The following CAV1 variants were observed in gnomAD, a reference collection of about 807,000 sequenced individuals.
CAV1 encodes caveolin-1.
Under a neutral mutation model 16.5 loss-of-function variants are expected in CAV1, and 10 were observed. The ratio of observed to expected loss-of-function variants is 0.61; its 90% CI spans 0.37 to 1.03. CAV1 has a LOEUF of 1.03. Ranked by LOEUF, CAV1 falls within the 50% of genes least tolerant of loss-of-function variation. The pLI is 0.01. For synonymous variants in CAV1, 76 were observed against 85.1 expected (o/e 0.89, Z 0.59); for missense variants, 212 against 232.8 (o/e 0.91, Z 0.58).
rs199578058 is a variant in CAV1 at position 116,525,105 on chromosome 7, G to A, written c.30+13G>A. 101 of 1,608,730 alleles carry A rather than the reference G, an allele frequency of 6.3e-5. No homozygotes were observed. The highest frequency in any genetic ancestry group is 7.7e-5 in the South Asian group (7 of 91,068). ...CGTAGACTCGGAGGTAGGCATCCGT[G>A]GGGGGGCGCCGGCTCGGGCGTGCGG... On this transcript the variant is annotated intron_variant, in intron 1 of 2. Transcript: ENST00000341049.
intron 2 of CAV1, among the ~76,000 whole-genome samples, chr7:116,547,015 G>T (rs1446740612): frequency 3.3e-5 from 5 of 152,154 alleles, no homozygotes; most frequent in Non-Finnish European, 5.9e-5. Flanking sequence ...TCTGTGGATT[G>T]CAGCTACATA....
Position 116,532,978 on chromosome 7 carries a change from T to G in CAV1, c.195+6289T>G, listed in dbSNP as rs970813145. Among the ~76,000 whole-genome samples, 3 of 152,184 alleles carry G rather than the reference T, an allele frequency of 2.0e-5. No homozygotes were observed. In the East Asian group the frequency reaches 5.8e-4, roughly 29 times the overall value. Reference sequence around the variant, plus strand: ...AAATATTAGGCCCATAGGTTTATCTTCCTCAGTAGTCCACGAGATTTGAGC... The same window carrying G: ...AAATATTAGGCCCATAGGTTTATCTGCCTCAGTAGTCCACGAGATTTGAGC... On this transcript the variant is annotated intron_variant, in intron 2 of 2. Coordinates refer to ENST00000341049, the MANE Select transcript of CAV1 (RefSeq NM_001753.5).
At chr7:116,525,212 T>A (rs745673250) in intron 1 of CAV1, 120 bp downstream of exon 1, 1 of 1,613,102 alleles carries the variant, frequency 6.2e-7, no homozygotes, top group Non-Finnish European at 8.5e-7. Context: ...TTCGGAGCAC[T>A]CCTCTGGCGT....
At chr7:116,558,891 T>TTTTTTTCTC (rs1289253965) in intron 2 of CAV1, 55 bp from the exon 3 acceptor site, 17 of 1,364,672 alleles carry the variant, frequency 1.2e-5, no homozygotes, top group Non-Finnish European at 1.7e-5. Flanking sequence ...AATAGTGGGT[T>TTTTTTTCTC]TTTTTTCTCT....
At position 116,527,870 on chromosome 7, in the gene CAV1, GA is replaced by G. The variant is rs371433709; in HGVS notation, c.195+1190del. 4.7e-3 allele frequency among the ~76,000 whole-genome samples: 704 copies of G among 150,784 alleles called. 5 individuals are homozygous for G. Among genetic ancestry groups the G allele is most frequent in the African/African-American group, 0.015 (611 of 41,182 alleles). On this transcript the variant is annotated intron_variant, in intron 2 of 2. Coordinates refer to ENST00000341049, the MANE Select transcript of CAV1 (RefSeq NM_001753.5). ...AACAGTTTAATCTGTAACTGGAAGG[GA>G]AAAAAAAACTGTCAGAATTGACTCC...
At chr7:116,529,411 C>T (rs980945294) in intron 2 of CAV1, among the ~76,000 whole-genome samples, 4 of 152,170 alleles carry the variant, frequency 2.6e-5, no homozygotes, top group African/African-American at 9.7e-5. Context: ...ATTTAAAATT[C>T]AGTTCCTTAG....
chr7:116,546,353 G>A (rs1394795337), intron 2 of CAV1, among the ~76,000 whole-genome samples: 1 of 152,072 alleles, frequency 6.6e-6, no homozygotes, highest in East Asian at 1.9e-4. Context: ...CAGCCAGCTG[G>A]TCTGCAGTGC....
At chr7:116,547,938 G>A (rs908526454) in intron 2 of CAV1, among the ~76,000 whole-genome samples, 3 of 152,164 alleles carry the variant, frequency 2.0e-5, no homozygotes, top group Non-Finnish European at 2.9e-5. Context: ...GCAGAGATTC[G>A]AACCCAGCCT....
intron 2 of CAV1, among the ~76,000 whole-genome samples, chr7:116,534,397 T>A (rs1460543854): frequency 0.011 from 121 of 10,540 alleles, 1 homozygote; most frequent in South Asian, 0.059. Context: ...ATATATATAT[T>A]TTTTTTTTTT....
intron 2 of CAV1, among the ~76,000 whole-genome samples, chr7:116,549,476 C>T (rs1295952618): frequency 6.6e-6 from 1 of 152,108 alleles, no homozygotes; most frequent in East Asian, 1.9e-4. Flanking sequence ...ACCTCCATTT[C>T]ATTTTGAGAA....
chr7:116,539,311 C>T (rs1407805154), intron 2 of CAV1, among the ~76,000 whole-genome samples: 36 of 152,168 alleles, frequency 2.4e-4, no homozygotes, highest in Admixed American at 2.4e-3. Context: ...TCTCACCCCA[C>T]TTTGTGCCTG....
intron 2 of CAV1, among the ~76,000 whole-genome samples, chr7:116,541,521 T>C (rs1793935370): frequency 6.6e-6 from 1 of 151,710 alleles, no homozygotes; most frequent in African/African-American, 2.4e-5. Flanking sequence ...GAGGCCAAGG[T>C]GGATAGATGA....
intron 2 of CAV1, among the ~76,000 whole-genome samples, chr7:116,543,496 G>T (rs1334353050): frequency 6.6e-6 from 1 of 152,196 alleles, no homozygotes; most frequent in Admixed American, 6.5e-5. Flanking sequence ...TCTGATCTGG[G>T]CTCAGAACTC....
intron 2 of CAV1, among the ~76,000 whole-genome samples, chr7:116,555,542 G>A (rs868216382): frequency 0.11 from 1,298 of 12,076 alleles, 346 homozygotes; most frequent in East Asian, 0.37. Flanking sequence ...GAGAGAGAGA[G>A]AGAAAGAAAG....
At chr7:116,543,537 C>T (rs373672107) in intron 2 of CAV1, among the ~76,000 whole-genome samples, 2 of 152,204 alleles carry the variant, frequency 1.3e-5, no homozygotes, top group South Asian at 4.1e-4. Context: ...TCCTTGCCAC[C>T]AAATTGGCTG....
chr7:116,553,318 G>A (rs950511464), intron 2 of CAV1, among the ~76,000 whole-genome samples: 3 of 151,864 alleles, frequency 2.0e-5, no homozygotes, highest in South Asian at 2.1e-4. Context: ...TTTTCTTGAC[G>A]TCTGCTGCTT....
chr7:116,546,715 G>T (rs1225186601), intron 2 of CAV1, among the ~76,000 whole-genome samples: 1 of 95,082 alleles, frequency 1.1e-5, no homozygotes, highest in East Asian at 2.9e-4. Flanking sequence ...AAAAAAAAAA[G>T]TCTGCAGGCT....
intron 2 of CAV1, among the ~76,000 whole-genome samples, chr7:116,536,935 G>A (rs1439728774): frequency 5.3e-5 from 8 of 150,136 alleles, no homozygotes; most frequent in Admixed American, 2.0e-4. Context: ...CCCAGGAAGC[G>A]GAGCTTGCAG....
At position 116,525,069 on chromosome 7, in the gene CAV1, G is replaced by C; in HGVS notation, c.7G>C (p.Gly3Arg). Residue 3 changes from glycine (G) to arginine (R), a missense_variant, in exon 1 of 3, where the codon GGG (glycine) becomes CGG (arginine). By Grantham distance (125) the Gly-to-Arg change is moderately radical (BLOSUM62 -2). Coordinates refer to ENST00000341049, the MANE Select transcript of CAV1 (RefSeq NM_001753.5). MSGGKYVDSEGHL... is the reference protein window; with the variant it reads MSRGKYVDSEGHL... ...CATCCAGCCACGGGCCAGCATGTCTGGGGGCAAATACGTAGACTCGGAGGT... is the reference window on the plus strand; with the variant it reads ...CATCCAGCCACGGGCCAGCATGTCTCGGGGCAAATACGTAGACTCGGAGGT... 6.2e-7 allele frequency: 1 copy of C among 1,614,228 alleles called. No individual in the cohort carries two copies.
Sources: gnomAD v4.1 joint callset for allele counts (sites outside exome capture counted in the v4.1 genomes callset) on GRCh38, gnomAD v4.1.1 for gene constraint, MANE v1.5 for transcripts, NCBI Gene and HGNC (gene_info 2026-07-23, HGNC 2026-07-21) for gene names.